Variants in CDKN2B-AS1 observed in about 807,000 individuals in gnomAD.
The protein encoded by CDKN2B-AS1 is CDKN2B and CDKN2A antisense cis and trans regulatory RNA 1.
chr9:22,075,347 C>A (rs1824454309), intron 4 of CDKN2B-AS1, among the ~76,000 whole-genome samples: 1 of 152,044 alleles, frequency 6.6e-6, no homozygotes, highest in South Asian at 2.1e-4. Context: ...TTGTAGGAGA[C>A]CTTTAACTTA....
intron 4 of CDKN2B-AS1, among the ~76,000 whole-genome samples, chr9:22,068,861 C>G (rs76826492): frequency 7.2e-5 from 11 of 152,164 alleles, no homozygotes; most frequent in Admixed American, 5.9e-4. Context: ...TGGGCTTTAA[C>G]AAGTAGTAGC....
In CDKN2B-AS1 at chr9:22,071,729, A is replaced by G. The variant is rs112095148; in HGVS notation, n.438+15342A>G. On this transcript the variant is annotated intron_variant and non_coding_transcript_variant, in intron 4 of 4. Transcript: ENST00000650946. ...ATATACTGCTATGTATCCTGAGAAA[A>G]TCTTCCTTTTGAATTATTTTTCGTA... Among the ~76,000 whole-genome samples the G allele has an allele frequency of 2.7e-3, 409 of 152,240 alleles. 2 individuals are homozygous for G. The highest frequency in any genetic ancestry group is 9.6e-3 in the African/African-American group (400 of 41,548).
intron 4 of CDKN2B-AS1, among the ~76,000 whole-genome samples, chr9:22,062,252 A>G (rs920247245): frequency 2.6e-5 from 4 of 152,244 alleles, no homozygotes; most frequent in African/African-American, 9.6e-5. Flanking sequence ...TGTTAGCATG[A>G]TGAATGAATT....
chr9:22,073,611 T>C (rs1824381827), intron 4 of CDKN2B-AS1, among the ~76,000 whole-genome samples: 1 of 152,186 alleles, frequency 6.6e-6, no homozygotes, highest in African/African-American at 2.4e-5. Context: ...GCAGCACCCT[T>C]AGTTTTATTT....
intron 1 of CDKN2B-AS1, among the ~76,000 whole-genome samples, chr9:22,034,660 A>G (rs1822611499): frequency 6.6e-6 from 1 of 152,258 alleles, no homozygotes; most frequent in South Asian, 2.1e-4. Flanking sequence ...TCCTTAAGGC[A>G]TACTACAGTG....
At chr9:22,095,081 A>G (rs2131347326) in intron 4 of CDKN2B-AS1, among the ~76,000 whole-genome samples, 1 of 145,044 alleles carries the variant, frequency 6.9e-6, no homozygotes. Flanking sequence ...GGTCCACTCC[A>G]GACGCTGTTT....
intron 4 of CDKN2B-AS1, among the ~76,000 whole-genome samples, chr9:22,124,690 G>A (rs1817990671): frequency 6.6e-6 from 1 of 152,096 alleles, no homozygotes; most frequent in Admixed American, 6.5e-5. Flanking sequence ...GGAACTAGAG[G>A]TAGTCCTGGC....
chr9:22,029,381 T>C, intron 1 of CDKN2B-AS1: 1 of 777,110 alleles, frequency 1.3e-6, no homozygotes, highest in South Asian at 1.3e-5. Flanking sequence ...AGTCTGAATC[T>C]AATCACATAG....
At chr9:22,057,949 C>G (rs892100390) in intron 4 of CDKN2B-AS1, among the ~76,000 whole-genome samples, 8 of 150,564 alleles carry the variant, frequency 5.3e-5, no homozygotes, top group African/African-American at 2.0e-4. Context: ...AACCCTGTCT[C>G]TACTAAAAAT....
intron 4 of CDKN2B-AS1, among the ~76,000 whole-genome samples, chr9:22,126,199 A>G (rs536050853): frequency 5.3e-5 from 8 of 152,330 alleles, no homozygotes; most frequent in Admixed American, 5.2e-4. Flanking sequence ...AAAGCCACCT[A>G]TAAGTGAACC....
intron 4 of CDKN2B-AS1, among the ~76,000 whole-genome samples, chr9:22,111,198 A>G (rs1825796643): frequency 6.6e-6 from 1 of 152,068 alleles, no homozygotes; most frequent in African/African-American, 2.4e-5. Flanking sequence ...CTGTCTGTTC[A>G]TCTTAAGATG....
intron 4 of CDKN2B-AS1, among the ~76,000 whole-genome samples, chr9:22,109,095 A>T (rs986057503): frequency 3.9e-5 from 6 of 152,216 alleles, no homozygotes; most frequent in Non-Finnish European, 8.8e-5. Flanking sequence ...TTTTCTAAGC[A>T]TTACAGCAAA....
At chr9:22,032,643 T>A (rs908914169) in intron 1 of CDKN2B-AS1, 1 of 151,974 alleles carries the variant, frequency 6.6e-6, no homozygotes. Flanking sequence ...GTTTGTACAC[T>A]CATTTTCTCT....
chr9:22,118,050 T>A (rs1392954217), intron 4 of CDKN2B-AS1: 1 of 152,370 alleles, frequency 6.6e-6, no homozygotes, highest in Non-Finnish European at 1.5e-5. Flanking sequence ...ACTTTCTGAC[T>A]CCTAGGACTG....
chr9:22,004,084 C>T, intron 1 of CDKN2B-AS1: 1 of 232,574 alleles, frequency 4.3e-6, no homozygotes, highest in Non-Finnish European at 8.5e-6. Flanking sequence ...GAAACAATAC[C>T]TATCTCTCAG....
intron 4 of CDKN2B-AS1, chr9:22,092,174 A>G (rs959636895): frequency 9.2e-5 from 14 of 152,204 alleles, no homozygotes; most frequent in Admixed American, 3.3e-4. Context: ...GATGAAGCCC[A>G]CTTGATCATG....
At chr9:22,027,410 T>C (rs1235058316) in intron 1 of CDKN2B-AS1, among the ~76,000 whole-genome samples, 1 of 152,144 alleles carries the variant, frequency 6.6e-6, no homozygotes. Flanking sequence ...GAGGACAGGA[T>C]AAAAGCACTC....
intron 1 of CDKN2B-AS1, among the ~76,000 whole-genome samples, chr9:22,016,178 T>A (rs1354622597): frequency 6.6e-6 from 1 of 152,212 alleles, no homozygotes; most frequent in Non-Finnish European, 1.5e-5. Flanking sequence ...CCCATGCCTA[T>A]GTCCTGAATG....
chr9:22,065,213 T>C (rs1823988163), intron 4 of CDKN2B-AS1, among the ~76,000 whole-genome samples: 1 of 152,166 alleles, frequency 6.6e-6, no homozygotes, highest in Admixed American at 6.5e-5. Flanking sequence ...TCTCTGTGTT[T>C]TTCTATTACA....
Sources: allele counts gnomAD v4.1 joint callset (sites outside exome capture counted in the v4.1 genomes callset), GRCh38; gene constraint gnomAD v4.1.1; transcripts MANE v1.5; gene names NCBI Gene and HGNC (gene_info 2026-07-23, HGNC 2026-07-21).